The following ST6GALNAC3 variants were observed in gnomAD, a reference collection of about 807,000 sequenced individuals.
ST6GALNAC3 encodes alpha-N-acetylgalactosaminide alpha-2,6-sialyltransferase 3.
In ST6GALNAC3, 25 loss-of-function variants were observed where a neutral mutation model predicts 32.7. The observed-to-expected ratio is 0.76, with a 90% CI of 0.56 to 1.07. The LOEUF is 1.07. Among genes scored for constraint, ST6GALNAC3 ranks in the 50% least tolerant of loss-of-function variants. ST6GALNAC3 has a pLI of 0.00. For synonymous variants in ST6GALNAC3, 129 were observed against 133.1 expected (o/e 0.97, Z 0.21); for missense variants, 355 against 382.4 (o/e 0.93, Z 0.60).
At chr1:76,525,140 G>C (rs185924979) in intron 3 of ST6GALNAC3, among the ~76,000 whole-genome samples, 2 of 151,952 alleles carry the variant, frequency 1.3e-5, no homozygotes, top group Non-Finnish European at 2.9e-5. Context: ...TGGAAAATGA[G>C]GTCTATTCAA....
chr1:76,195,390 T>C (rs1654145116), intron 1 of ST6GALNAC3, among the ~76,000 whole-genome samples: 2 of 152,344 alleles, frequency 1.3e-5, no homozygotes, highest in East Asian at 3.9e-4. Flanking sequence ...TAGAAGTGCT[T>C]TATACATTTT....
At chr1:76,254,895 A>G (rs965417609) in intron 1 of ST6GALNAC3, among the ~76,000 whole-genome samples, 1 of 152,090 alleles carries the variant, frequency 6.6e-6, no homozygotes, top group Non-Finnish European at 1.5e-5. Flanking sequence ...ACAATGAAAC[A>G]GCAAGTGCAA....
intron 1 of ST6GALNAC3, among the ~76,000 whole-genome samples, chr1:76,253,674 T>C (rs1570590550): frequency 6.6e-6 from 1 of 152,290 alleles, no homozygotes; most frequent in East Asian, 1.9e-4. Flanking sequence ...GCAATTACAT[T>C]AATCCTGATC....
intron 3 of ST6GALNAC3, among the ~76,000 whole-genome samples, chr1:76,614,591 C>A (rs771309089): frequency 6.6e-6 from 1 of 151,624 alleles, no homozygotes; most frequent in Admixed American, 6.6e-5. Context: ...TGGTGGCGGG[C>A]GCCTGTAGTC....
chr1:76,106,120 A>G (rs1647513048), intron 1 of ST6GALNAC3, among the ~76,000 whole-genome samples: 1 of 152,256 alleles, frequency 6.6e-6, no homozygotes, highest in African/African-American at 2.4e-5. Flanking sequence ...TATGTATATG[A>G]AAACACCTGG....
intron 3 of ST6GALNAC3, among the ~76,000 whole-genome samples, chr1:76,561,128 C>A (rs1308371547): frequency 6.6e-6 from 1 of 152,112 alleles, no homozygotes; most frequent in Non-Finnish European, 1.5e-5. Flanking sequence ...TTCTCTCACT[C>A]ATTTGTGGGA....
chr1:76,315,426 A>G (rs558591802), intron 2 of ST6GALNAC3, among the ~76,000 whole-genome samples: 1 of 152,146 alleles, frequency 6.6e-6, no homozygotes, highest in Non-Finnish European at 1.5e-5. Flanking sequence ...AGACCCTTTC[A>G]TTTCTTTAAA....
chr1:76,387,470 T>A (rs1652188695), intron 2 of ST6GALNAC3, among the ~76,000 whole-genome samples: 2 of 152,142 alleles, frequency 1.3e-5, no homozygotes, highest in African/African-American at 4.8e-5. Flanking sequence ...TCTGTTTAGA[T>A]GCTTTTTGGT....
At chr1:76,197,807 C>T (rs1168659793) in intron 1 of ST6GALNAC3, among the ~76,000 whole-genome samples, 1 of 152,074 alleles carries the variant, frequency 6.6e-6, no homozygotes, top group South Asian at 2.1e-4. Flanking sequence ...CTGGATAATT[C>T]TTTGTTGATG....
At position 76,628,961 on chromosome 1, in the gene ST6GALNAC3, A is replaced by T; in HGVS notation, c.*155A>T. The T allele has an allele frequency of 7.0e-7, 1 of 1,432,698 alleles. No individual in the cohort carries two copies. Among genetic ancestry groups the T allele is most frequent in the Non-Finnish European group, 9.1e-7 (1 of 1,102,356 alleles). The allele number at this position is 1,432,698 out of a possible 1,614,324, so 88.7% of individuals were successfully genotyped here. A position where few individuals can be genotyped will look rare whatever the true frequency, so the allele number is the denominator to read the frequency against. ...CTCAGATGTGGATGGTGACTCTGCT[A>T]GTAATTTAAACTTGGCATTTCATGG... On this transcript the variant is annotated 3_prime_UTR_variant, in exon 5 of 5. Transcript: ENST00000328299.
intron 2 of ST6GALNAC3, among the ~76,000 whole-genome samples, chr1:76,315,699 C>A (rs1646852104): frequency 6.6e-6 from 1 of 152,078 alleles, no homozygotes; most frequent in African/African-American, 2.4e-5. Context: ...TGAACTTAAG[C>A]AGTATATTTG....
rs148157270 is a variant in ST6GALNAC3, at chr1:76,380,200, A to G, written c.214-31808A>G. 7.6e-4 allele frequency among the ~76,000 whole-genome samples: 116 copies of G among 152,302 alleles called. 1 individual carries two copies. The highest frequency in any genetic ancestry group is 2.7e-3 in the African/African-American group (112 of 41,556). Reference sequence around the variant, plus strand: ...TTAAAAAGAGGATTGTGGGATGAGCAATGAATAAGTAAAAGGGTACTTAAC... The same window carrying G: ...TTAAAAAGAGGATTGTGGGATGAGCGATGAATAAGTAAAAGGGTACTTAAC... On this transcript the variant is annotated intron_variant, in intron 2 of 4. Transcript: ENST00000328299.
chr1:76,265,029 A>G, intron 1 of ST6GALNAC3, among the ~76,000 whole-genome samples: 1 of 152,062 alleles, frequency 6.6e-6, no homozygotes, highest in South Asian at 2.1e-4. Flanking sequence ...ATATGAAGCA[A>G]GTTAACTGTT....
chr1:76,557,481 A>T (rs1570260445), intron 3 of ST6GALNAC3, among the ~76,000 whole-genome samples: 1 of 152,074 alleles, frequency 6.6e-6, no homozygotes, highest in East Asian at 1.9e-4. Context: ...ACAGGTAAAG[A>T]TCTGAGAGGA....
At chr1:76,367,338 G>A (rs1224069479) in intron 2 of ST6GALNAC3, among the ~76,000 whole-genome samples, 2 of 152,164 alleles carry the variant, frequency 1.3e-5, no homozygotes, top group African/African-American at 4.8e-5. Context: ...GATCTTACAG[G>A]AATGGGGCAG....
At chr1:76,118,626 A>G (rs544677438) in intron 1 of ST6GALNAC3, among the ~76,000 whole-genome samples, 16 of 152,214 alleles carry the variant, frequency 1.1e-4, no homozygotes, top group South Asian at 6.2e-4. Context: ...TGGCTGCATC[A>G]ATATGTATAA....
chr1:76,145,154 C>T (rs1650596696), intron 1 of ST6GALNAC3, among the ~76,000 whole-genome samples: 1 of 152,158 alleles, frequency 6.6e-6, no homozygotes, highest in South Asian at 2.1e-4. Flanking sequence ...ATTACAGTTT[C>T]CTGTTTCTCC....
At chr1:76,215,875 G>A (rs915812396) in intron 1 of ST6GALNAC3, among the ~76,000 whole-genome samples, 2 of 152,190 alleles carry the variant, frequency 1.3e-5, no homozygotes, top group Non-Finnish European at 2.9e-5. Flanking sequence ...ATGTAGGGAA[G>A]CATTTGCTTA....
chr1:76,325,242 A>C (rs1208805423), intron 2 of ST6GALNAC3, among the ~76,000 whole-genome samples: 1 of 152,228 alleles, frequency 6.6e-6, no homozygotes, highest in Non-Finnish European at 1.5e-5. Context: ...TGCATTGTGA[A>C]TACATCACTG....
Sources: gnomAD v4.1 joint callset for allele counts (sites outside exome capture counted in the v4.1 genomes callset) on GRCh38, gnomAD v4.1.1 for gene constraint, MANE v1.5 for transcripts, NCBI Gene and HGNC (gene_info 2026-07-23, HGNC 2026-07-21) for gene names.